The following FLNB variants were observed in gnomAD, a reference collection of about 807,000 sequenced individuals.
The protein encoded by FLNB is filamin B, also known as filamin-B.
FLNB carries 111 observed loss-of-function variants against 250.6 expected under a neutral mutation model. That is an observed-to-expected ratio of 0.44 (90% CI 0.38 to 0.52). FLNB has a LOEUF of 0.52. FLNB is among the 20% of genes least tolerant of loss of function. FLNB has a pLI of 0.00. For missense variants in FLNB, 2,869 were observed against 3,447.8 expected (o/e 0.83, Z 4.20); for synonymous variants, 1,302 against 1,372.1 (o/e 0.95, Z 1.13).
At position 58,008,727 on chromosome 3, in the gene FLNB, G is replaced by C. The variant is rs768998920; in HGVS notation, c.163G>C (p.Glu55Gln). Reference protein sequence around the residue: ...SDGLRLIALLEVLSQKRMYRK... With the variant: ...SDGLRLIALLQVLSQKRMYRK... ...CGGGCTGCGGCTCATCGCGCTGCTCGAGGTGCTCAGCCAGAAGCGCATGTA... is the reference window on the plus strand; with the variant it reads ...CGGGCTGCGGCTCATCGCGCTGCTCCAGGTGCTCAGCCAGAAGCGCATGTA... The change falls in exon 1 of 46, where the codon GAG (glutamate) becomes CAG (glutamine). Residue 55 changes from glutamate to glutamine, a missense_variant. Transcript: ENST00000295956. 1 of 1,614,150 alleles carries C rather than the reference G, an allele frequency of 6.2e-7. No individual in the cohort carries two copies. The highest frequency in any genetic ancestry group is 8.5e-7 in the Non-Finnish European group (1 of 1,180,030).
chr3:58,144,700 T>C (rs944899548), intron 32 of FLNB, among the ~76,000 whole-genome samples: 2 of 152,256 alleles, frequency 1.3e-5, no homozygotes, highest in Non-Finnish European at 2.9e-5. Flanking sequence ...AGAGGGGCTG[T>C]TGCAGTTCAC....
At chr3:58,072,327 G>A (rs1422496511) in intron 1 of FLNB, among the ~76,000 whole-genome samples, 2 of 152,124 alleles carry the variant, frequency 1.3e-5, no homozygotes, top group East Asian at 1.9e-4. Context: ...CCTGGTAGGC[G>A]TTGGTTTATT....
At chr3:58,027,209 G>A (rs574362458) in intron 1 of FLNB, among the ~76,000 whole-genome samples, 3 of 151,928 alleles carry the variant, frequency 2.0e-5, no homozygotes, top group South Asian at 4.2e-4. Context: ...CTGGAGTGCA[G>A]TGGCGCGATC....
intron 43 of FLNB, chr3:58,165,421 G>C (rs2097368712): frequency 6.6e-6 from 1 of 152,246 alleles, no homozygotes; most frequent in Non-Finnish European, 1.5e-5. Flanking sequence ...AAGGCGCCTT[G>C]TTTTTCCAGC....
intron 29 of FLNB, 56 bp from the exon 30 acceptor site, chr3:58,141,802 A>G: frequency 6.7e-7 from 1 of 1,489,428 alleles, no homozygotes. Context: ...GTGGTAGTCT[A>G]CTGAGTGTAT....
At position 58,106,705 on chromosome 3, in the gene FLNB, G is replaced by A. The variant is rs2097260365; in HGVS notation, c.1773G>A (p.Gln591=). Reference sequence around the variant, plus strand: ...GGTTTGCCATTGAAGGCCCCTCTCAGGCAAAGATTGAGTACAACGACCAGA... The same window carrying A: ...GGTTTGCCATTGAAGGCCCCTCTCAAGCAAAGATTGAGTACAACGACCAGA... ...SLGFAIEGPS[Q]AKIEYNDQND... is the part of the protein sequence containing the mutation. Residue 591 remains glutamine, a synonymous_variant, in exon 12 of 46, where the codon CAG becomes CAA. Transcript: ENST00000295956. 6.2e-7 allele frequency: 1 copy of A among 1,614,172 alleles called. No individual in the cohort carries two copies. The highest frequency in any genetic ancestry group is 1.3e-5 in the African/African-American group (1 of 75,032).
intron 4 of FLNB, among the ~76,000 whole-genome samples, chr3:58,082,899 C>G (rs1231208892): frequency 6.6e-6 from 1 of 152,084 alleles, no homozygotes; most frequent in East Asian, 1.9e-4. Flanking sequence ...TTCTCTTGCC[C>G]TTTGTGTGTG....
intron 17 of FLNB, 82 bp downstream of exon 17, chr3:58,111,963 C>A (rs977301302): frequency 3.1e-6 from 4 of 1,279,036 alleles, no homozygotes; most frequent in Non-Finnish European, 4.6e-6. Context: ...CCTTGAGGAA[C>A]TTCATCTCCA....
At chr3:58,052,592 G>A (rs1354376336) in intron 1 of FLNB, among the ~76,000 whole-genome samples, 1 of 152,186 alleles carries the variant, frequency 6.6e-6, no homozygotes, top group Non-Finnish European at 1.5e-5. Context: ...TGCAAAAATT[G>A]CAGCTTCCAG....
At chr3:58,111,747 G>A (rs2097269082) in intron 16 of FLNB, 44 bp from the exon 17 acceptor site, 2 of 1,463,176 alleles carry the variant, frequency 1.4e-6, no homozygotes, top group Non-Finnish European at 9.6e-7. Context: ...AGCTCTGGCT[G>A]TTGCTTCAGG....
rs1054201563 is a variant in FLNB at position 58,171,658 on chromosome 3, C to G, written c.*896C>G. On this transcript the variant is annotated 3_prime_UTR_variant, in exon 46 of 46. Coordinates refer to ENST00000295956, the MANE Select transcript of FLNB (RefSeq NM_001457.4). The surrounding 1 kb of genome is among the most constrained non-coding windows in gnomAD (Gnocchi z 5.5). ...AATGTTTAAAGTGATCTCAGAGGGGCCCATGGATTAACGCCCTCATCCCAA... is the reference window on the plus strand; with the variant it reads ...AATGTTTAAAGTGATCTCAGAGGGGGCCATGGATTAACGCCCTCATCCCAA... The G allele has an allele frequency of 1.3e-5, 2 of 152,268 alleles. No individual in the cohort carries two copies. Among genetic ancestry groups the G allele is most frequent in the African/African-American group, 4.8e-5 (2 of 41,448 alleles). 9.4% of individuals were successfully genotyped at this position (152,268 alleles called of 1,614,324 possible).
At chr3:58,020,825 A>G (rs1375037362) in intron 1 of FLNB, among the ~76,000 whole-genome samples, 2 of 151,858 alleles carry the variant, frequency 1.3e-5, no homozygotes, top group African/African-American at 4.8e-5. Flanking sequence ...TGTGGCAGGC[A>G]CTATGTAAAT....
In FLNB at chr3:58,103,945, C is replaced by T; in HGVS notation, c.1484-14C>T. The T allele has an allele frequency of 6.2e-7, 1 of 1,613,920 alleles. No individual in the cohort carries two copies. The highest frequency in any genetic ancestry group is 8.5e-7 in the Non-Finnish European group (1 of 1,179,836). On this transcript the variant is annotated splice_polypyrimidine_tract_variant and intron_variant, in intron 9 of 45. Coordinates refer to ENST00000295956, the MANE Select transcript of FLNB (RefSeq NM_001457.4). ...AGGATTGTGTTGGAAAGATTATCTC[C>T]TTCCTTCCCACAGAGGGTCTGGAGG...
chr3:58,044,027 C>T (rs1170181644), intron 1 of FLNB, among the ~76,000 whole-genome samples: 1 of 152,154 alleles, frequency 6.6e-6, no homozygotes, highest in Non-Finnish European at 1.5e-5. Context: ...CTGCAGGCAA[C>T]GGGGCTGCCC....
rs373280518 is a variant in FLNB, at chr3:58,020,048, GGTGTGTGTGTGTGTGTGTGTGT to G, written c.292+11219_292+11240del. On this transcript the variant is annotated intron_variant, in intron 1 of 45. Transcript: ENST00000295956. Reference sequence around the variant, plus strand: ...ACAGCACACACCATGACACCACAGGGGTGTGTGTGTGTGTGTGTGTGTGTGTGTGTGTGTGTGTGTGTGTGTG... The same window carrying G: ...ACAGCACACACCATGACACCACAGGGGTGTGTGTGTGTGTGTGTGTGTGTG... Among the ~76,000 whole-genome samples the G allele has an allele frequency of 5.7e-4, 78 of 136,998 alleles. 1 individual carries two copies. In the South Asian group the frequency reaches 6.9e-3, roughly 12 times the overall value. 89.9% of individuals were successfully genotyped at this position (136,998 alleles called of 152,430 possible).
chr3:58,146,525 T>C (rs1363723911), intron 33 of FLNB, among the ~76,000 whole-genome samples: 2 of 152,270 alleles, frequency 1.3e-5, no homozygotes, highest in Middle Eastern at 3.4e-3. Context: ...GTCTCCTATG[T>C]GTAATTGATG....
chr3:58,104,191 T>G, intron 10 of FLNB, 106 bp downstream of exon 10: 1 of 1,176,206 alleles, frequency 8.5e-7, no homozygotes, highest in Non-Finnish European at 1.2e-6. Context: ...ATCTGCTTTG[T>G]TGAAAACTTT....
intron 1 of FLNB, among the ~76,000 whole-genome samples, chr3:58,070,885 C>T (rs1182868887): frequency 6.6e-6 from 1 of 151,294 alleles, no homozygotes; most frequent in Non-Finnish European, 1.5e-5. Flanking sequence ...CTCCTGACCT[C>T]GTGATCTGCC....
rs568257597 is a variant in FLNB, at chr3:58,138,234, A to G, written c.4862-48A>G. ...GGGTATGATTTGTTCTTGGGCCTCCAGGATGTGTGTCCATACTTCCATTCT... is the reference window on the plus strand; with the variant it reads ...GGGTATGATTTGTTCTTGGGCCTCCGGGATGTGTGTCCATACTTCCATTCT... On this transcript the variant is annotated intron_variant, in intron 28 of 45. Transcript: ENST00000295956. 21 of 1,611,952 alleles carry G rather than the reference A, an allele frequency of 1.3e-5. No homozygotes were observed. In the East Asian group the frequency reaches 4.5e-4, roughly 34 times the overall value.
Sources: allele counts gnomAD v4.1 joint callset (sites outside exome capture counted in the v4.1 genomes callset), GRCh38; gene constraint gnomAD v4.1.1; non-coding constraint Gnocchi (gnomAD v3.1); transcripts MANE v1.5; gene names NCBI Gene and HGNC (gene_info 2026-07-23, HGNC 2026-07-21).